ARFGEF3: variants seen among roughly 807,000 people sequenced by gnomAD.
ARFGEF3 encodes ARFGEF family member 3.
In ARFGEF3, 96 loss-of-function variants were observed where a neutral mutation model predicts 221.7. That is an observed-to-expected ratio of 0.43 (90% CI 0.37 to 0.51). The LOEUF (loss-of-function observed/expected upper bound fraction) is 0.51, where lower values mean the gene tolerates loss of function less well. Among genes scored for constraint, ARFGEF3 ranks in the 20% least tolerant of loss-of-function variants. The pLI, the probability that ARFGEF3 is intolerant of heterozygous loss-of-function variation, is 0.00. For missense variants in ARFGEF3, 2,410 were observed against 2,789.9 expected (o/e 0.86, Z 3.07); for synonymous variants, 1,145 against 1,126.8 (o/e 1.02, Z -0.32).
chr6:138,235,885 T>G (rs1366481394), intron 5 of ARFGEF3, among the ~76,000 whole-genome samples: 1 of 152,196 alleles, frequency 6.6e-6, no homozygotes, highest in Non-Finnish European at 1.5e-5. Context: ...CTTCTTAAAT[T>G]AATACTTTTT....
At chr6:138,229,067 A>G (rs979364489) in intron 4 of ARFGEF3, among the ~76,000 whole-genome samples, 2 of 152,262 alleles carry the variant, frequency 1.3e-5, no homozygotes, top group Non-Finnish European at 2.9e-5. Context: ...TGCAAATGTC[A>G]TTGACCTATT....
At chr6:138,315,039 A>T (rs1779898580) in intron 26 of ARFGEF3, among the ~76,000 whole-genome samples, 1 of 152,228 alleles carries the variant, frequency 6.6e-6, no homozygotes, top group African/African-American at 2.4e-5. Flanking sequence ...TCTTGACTTT[A>T]GCAAATTGGA....
chr6:138,259,640 A>G (rs2114584743), intron 10 of ARFGEF3, among the ~76,000 whole-genome samples: 1 of 152,340 alleles, frequency 6.6e-6, no homozygotes, highest in Non-Finnish European at 1.5e-5. Flanking sequence ...TAAGTACAAG[A>G]TTAATGTGGG....
In ARFGEF3 at chr6:138,253,922, G is replaced by T. The variant is rs752336440; in HGVS notation, c.708G>T (p.Leu236=). The T allele has an allele frequency of 6.3e-7, 1 of 1,595,902 alleles. No individual in the cohort carries two copies. The highest frequency in any genetic ancestry group is 8.5e-7 in the Non-Finnish European group (1 of 1,171,502). The part of the protein sequence containing the change: ...QLQLLYLECI[L]SVLSSSSSSM... ...AGCTTCTCTACCTGGAGTGCATCCT[G>T]TCTGTGCTCAGCAGCTCCTCCTCCT... The change falls in exon 9 of 34, where the codon CTG becomes CTT. Residue 236 remains leucine (L), a synonymous_variant. Transcript: ENST00000251691.
intron 4 of ARFGEF3, among the ~76,000 whole-genome samples, chr6:138,219,069 G>T (rs544556577): frequency 6.6e-6 from 1 of 152,260 alleles, no homozygotes; most frequent in South Asian, 2.1e-4. Flanking sequence ...CAATAAAGAG[G>T]CAGCCAATTA....
intron 10 of ARFGEF3, 37 bp from the exon 11 acceptor site, chr6:138,261,490 T>C (rs200642555): frequency 3.3e-4 from 430 of 1,320,764 alleles, no homozygotes; most frequent in Non-Finnish European, 4.1e-4. Flanking sequence ...TTTTGTGATA[T>C]TCACTTTTCT....
intron 22 of ARFGEF3, among the ~76,000 whole-genome samples, chr6:138,305,408 C>T (rs911425542): frequency 1.3e-5 from 2 of 151,810 alleles, no homozygotes; most frequent in African/African-American, 4.8e-5. Context: ...CGAGACCATG[C>T]CAGGCAACAC....
Position 138,262,876 on chromosome 6 carries a change from G to T in ARFGEF3, c.1393G>T (p.Ala465Ser), listed in dbSNP as rs1394597551. The T allele has an allele frequency of 1.9e-6, 3 of 1,613,706 alleles. No homozygotes were observed. Among genetic ancestry groups the T allele is most frequent in the Non-Finnish European group, 2.5e-6 (3 of 1,179,784 alleles). ...GCGCCTTGAGGAGCTGAAGGATGGG[G>T]CTGAGTGGAGCCGAGATTCCATGGA... The part of the protein sequence containing the change: ...LLRLEELKDG[A>S]EWSRDSMEIN... The change falls in exon 12 of 34, where the codon GCT (alanine) becomes TCT (serine). Residue 465 changes from alanine to serine, a missense_variant. Ala to Ser is a moderately conservative substitution (Grantham distance 99, BLOSUM62 1). Around this residue, in one of 5 missense-constraint regions of ARFGEF3, gnomAD observed 570 missense variants for 586.9 expected, o/e 0.97. Coordinates refer to ENST00000251691, the MANE Select transcript of ARFGEF3 (RefSeq NM_020340.5).
chr6:138,285,925 T>C, intron 14 of ARFGEF3, 21 bp from the exon 15 acceptor site: 3 of 1,537,146 alleles, frequency 2.0e-6, no homozygotes, highest in Non-Finnish European at 2.7e-6. Flanking sequence ...TAGGGAAAAC[T>C]TCTTTCTTTT....
chr6:138,215,835 C>T lies in ARFGEF3; in HGVS notation c.351+5794C>T, dbSNP rs539419665. Among the ~76,000 whole-genome samples, 5 of 135,650 alleles carry T rather than the reference C, an allele frequency of 3.7e-5. No homozygotes were observed. In the East Asian group the frequency reaches 6.2e-4, roughly 17 times the overall value. The allele number at this position is 135,650 out of a possible 152,430, so 89.0% of individuals were successfully genotyped here. A position where few individuals can be genotyped will look rare whatever the true frequency, so the allele number is the denominator to read the frequency against. On this transcript the variant is annotated intron_variant, in intron 4 of 33. Coordinates refer to ENST00000251691, the MANE Select transcript of ARFGEF3 (RefSeq NM_020340.5). ...TGTCTTTTCCACTAAGTTAGCTAAT[C>T]GGTCTGGTGTGTGTGTGTGTGTGTG...
intron 28 of ARFGEF3, among the ~76,000 whole-genome samples, chr6:138,320,641 CAAAGCTAAT>C (rs1780006606): frequency 6.6e-6 from 1 of 152,118 alleles, no homozygotes; most frequent in South Asian, 2.1e-4. Flanking sequence ...GGGAGACTAA[CAAAGCTAAT>C]AAAAGAAACT....
At chr6:138,245,704 T>TC in intron 8 of ARFGEF3, 113 bp downstream of exon 8, 3 of 819,118 alleles carry the variant, frequency 3.7e-6, no homozygotes, top group South Asian at 1.5e-5. Flanking sequence ...GACAATAGTT[T>TC]CCCCCCTCCA....
At chr6:138,323,469 G>C (rs142694512) in intron 29 of ARFGEF3, among the ~76,000 whole-genome samples, 5 of 152,268 alleles carry the variant, frequency 3.3e-5, no homozygotes, top group South Asian at 2.1e-4. Context: ...AAATTAGCCA[G>C]GCATGGAGGC....
At chr6:138,300,776 A>G (rs533731572) in intron 22 of ARFGEF3, among the ~76,000 whole-genome samples, 2 of 152,234 alleles carry the variant, frequency 1.3e-5, no homozygotes, top group South Asian at 4.1e-4. Flanking sequence ...TCTTGAGGCA[A>G]AAGGGACATC....
intron 32 of ARFGEF3, among the ~76,000 whole-genome samples, chr6:138,332,796 A>ATTTAT (rs1392642714): frequency 6.6e-6 from 1 of 152,222 alleles, no homozygotes; most frequent in Non-Finnish European, 1.5e-5. Context: ...AGTTAAAGCG[A>ATTTAT]TTTATTTTAA....
At chr6:138,284,550 C>A (rs1338129834) in intron 14 of ARFGEF3, among the ~76,000 whole-genome samples, 1 of 152,162 alleles carries the variant, frequency 6.6e-6, no homozygotes, top group Non-Finnish European at 1.5e-5. Flanking sequence ...CAACTCCAGT[C>A]CTTTCCTCGC....
At chr6:138,239,819 A>G (rs146109499) in intron 6 of ARFGEF3, among the ~76,000 whole-genome samples, 4 of 152,300 alleles carry the variant, frequency 2.6e-5, no homozygotes, top group South Asian at 4.1e-4. Flanking sequence ...GGAGAGCCTT[A>G]GAGATGATCT....
chr6:138,263,494 CA>C lies in ARFGEF3; in HGVS notation c.2012del (p.His671ProfsTer23). 6.2e-7 allele frequency: 1 copy of C among 1,613,870 alleles called. No homozygotes were observed. The highest frequency in any genetic ancestry group is 8.5e-7 in the Non-Finnish European group (1 of 1,179,888). On this transcript the variant is annotated frameshift_variant, in exon 12 of 34. Coordinates refer to ENST00000251691, the MANE Select transcript of ARFGEF3 (RefSeq NM_020340.5). LOFTEE classifies it high-confidence loss of function. ...GCTGAAGAACCAGGAGGCGGATCAG[CA>C]CAGCGCCAGGCTGTTCATACAGTCC... The part of the protein sequence containing the change: ...KLLKNQEADQ[H>X]SARLFIQSLE...
chr6:138,190,931 C>A (rs1253730697), intron 2 of ARFGEF3, among the ~76,000 whole-genome samples: 1 of 152,108 alleles, frequency 6.6e-6, no homozygotes, highest in Non-Finnish European at 1.5e-5. Context: ...AGGGTGTAGG[C>A]TTTTGTGTCC....
Sources: gnomAD v4.1 joint callset for allele counts (sites outside exome capture counted in the v4.1 genomes callset) on GRCh38, gnomAD v4.1.1 for gene constraint, gnomAD v4.1.1 regional missense constraint, MANE v1.5 for transcripts, NCBI Gene and HGNC (gene_info 2026-07-23, HGNC 2026-07-21) for gene names.